MED13L: variants seen among roughly 807,000 people sequenced by gnomAD.
The protein encoded by MED13L is mediator of RNA polymerase II transcription subunit 13-like.
MED13L carries 7 observed loss-of-function variants against 220.9 expected under a neutral mutation model. The ratio of observed to expected loss-of-function variants is 0.03; its 90% confidence interval spans 0.02 to 0.06. MED13L has a LOEUF of 0.06. Among genes scored for constraint, MED13L ranks in the 10% least tolerant of loss-of-function variants. The probability of loss-of-function intolerance (pLI) is 1.00; values close to 1 mark genes in which losing one functional copy is unlikely to be tolerated. For synonymous variants in MED13L, 1,011 were observed against 1,015.2 expected (o/e 1.00, Z 0.08); for missense variants, 1,965 against 2,760.5 (o/e 0.71, Z 6.46).
At chr12:116,043,158 C>G (rs1429506474) in intron 4 of MED13L, among the ~76,000 whole-genome samples, 2 of 152,008 alleles carry the variant, frequency 1.3e-5, no homozygotes, top group Admixed American at 6.6e-5. Context: ...TGGTTCTATC[C>G]CCCTCTCCCA....
At position 116,015,350 on chromosome 12, in the gene MED13L, C is replaced by T. The variant is rs1008149884; in HGVS notation, c.1010-76G>A. 1.6e-5 allele frequency: 23 copies of T among 1,444,566 alleles called. No homozygotes were observed. The African/African-American group carries it at 2.8e-4, about 18-fold the overall frequency. 89.5% of individuals were successfully genotyped at this position (1,444,566 alleles called of 1,614,324 possible). A position where few individuals can be genotyped will look rare whatever the true frequency, so the allele number is the denominator to read the frequency against. ...ACTTCATAGACTGCTATCTTATTAACATAAATATGCATTTTAATTGTTGAA... is the reference window on the plus strand; with the variant it reads ...ACTTCATAGACTGCTATCTTATTAATATAAATATGCATTTTAATTGTTGAA... On this transcript the variant is annotated intron_variant, in intron 7 of 30. Transcript: ENST00000281928.
At chr12:115,961,502 G>A in intron 30 of MED13L, 104 bp from the exon 31 acceptor site, 2 of 1,475,790 alleles carry the variant, frequency 1.4e-6, no homozygotes, top group African/African-American at 1.4e-5. Context: ...GGTCTCAAAG[G>A]CATTCCTTAA....
chr12:116,046,709 C>G (rs1270325937), intron 4 of MED13L, among the ~76,000 whole-genome samples: 1 of 152,156 alleles, frequency 6.6e-6, no homozygotes, highest in African/African-American at 2.4e-5. Flanking sequence ...TGCGGTGGCT[C>G]ACGCCTGTAA....
rs147436430 is a variant in MED13L, at chr12:115,980,088, T to C, written c.5364+662A>G. Among the ~76,000 whole-genome samples, 521 of 152,242 alleles carry C rather than the reference T, an allele frequency of 3.4e-3. 6 individuals carry two copies. The highest frequency in any genetic ancestry group is 0.02 in the Middle Eastern group (6 of 294). On this transcript the variant is annotated intron_variant, in intron 23 of 30. Transcript: ENST00000281928. ...CACAACTACAACTGTTGTCCCAGGA[T>C]ACAGACCAGAGCTGGAAAACGCAAA... is the stretch of plus-strand genomic sequence containing the variant.
At chr12:115,990,920 A>G (rs1878015605) in intron 17 of MED13L, 100 bp downstream of exon 17, 1 of 1,301,506 alleles carries the variant, frequency 7.7e-7, no homozygotes, top group Non-Finnish European at 1.1e-6. Context: ...CCCGAAAGAC[A>G]TGAAATTAAA....
chr12:116,255,180 AAC>A (rs1228709076), intron 1 of MED13L, among the ~76,000 whole-genome samples: 14 of 152,238 alleles, frequency 9.2e-5, no homozygotes, highest in Non-Finnish European at 1.3e-4. Flanking sequence ...GTACTGGCAT[AAC>A]AGACATGTAG....
At chr12:116,079,610 C>T (rs1004954134) in intron 4 of MED13L, among the ~76,000 whole-genome samples, 1 of 152,064 alleles carries the variant, frequency 6.6e-6, no homozygotes, top group African/African-American at 2.4e-5. Flanking sequence ...GTGATCACCG[C>T]TCATTGCAGC....
intron 4 of MED13L, among the ~76,000 whole-genome samples, chr12:116,046,694 C>T (rs1881855614): frequency 1.3e-5 from 2 of 152,150 alleles, no homozygotes; most frequent in African/African-American, 2.4e-5. Context: ...AAAGAAAAGG[C>T]CGGGTGCGGT....
chr12:116,020,302 G>A (rs1269960380), intron 5 of MED13L, among the ~76,000 whole-genome samples: 4 of 151,478 alleles, frequency 2.6e-5, no homozygotes, highest in African/African-American at 4.8e-5. Flanking sequence ...ATTTTTAAAC[G>A]AAATAAAATA....
intron 2 of MED13L, among the ~76,000 whole-genome samples, chr12:116,235,342 A>G (rs117890269): frequency 0.02 from 3,019 of 152,320 alleles, 56 homozygotes; most frequent in Middle Eastern, 0.048. Flanking sequence ...TACAAAATAT[A>G]AACAGTTTAT....
chr12:115,981,002 T>TA (rs1877290438), intron 22 of MED13L, 64 bp from the exon 23 acceptor site: 12 of 1,406,708 alleles, frequency 8.5e-6, no homozygotes, highest in Admixed American at 7.5e-5. Context: ...TCTAACACAC[T>TA]AACAAGCAAG....
At chr12:116,153,997 A>C (rs767589722) in intron 2 of MED13L, among the ~76,000 whole-genome samples, 1 of 152,200 alleles carries the variant, frequency 6.6e-6, no homozygotes, top group African/African-American at 2.4e-5. Context: ...ACAACAACAA[A>C]AATCACAGCT....
rs575129767 is a variant in MED13L, at chr12:116,196,340, G to A, written c.310+41128C>T. On this transcript the variant is annotated intron_variant, in intron 2 of 30. Transcript: ENST00000281928. ...GAGGTCCTCTGGGTGTTTCCACAGA[G>A]CAAAATTGAAAACAGGGCCAATAAG... 7.3e-5 allele frequency among the ~76,000 whole-genome samples: 11 copies of A among 150,814 alleles called. No homozygotes were observed. In the South Asian group the frequency reaches 2.3e-3, roughly 32 times the overall value.
intron 1 of MED13L, among the ~76,000 whole-genome samples, chr12:116,247,609 C>G (rs959330592): frequency 2.4e-4 from 36 of 152,276 alleles, no homozygotes; most frequent in Admixed American, 3.9e-4. Context: ...GGCCTCCCAT[C>G]TGACTGGTTA....
chr12:116,177,042 CT>C (rs1292957459), intron 2 of MED13L, among the ~76,000 whole-genome samples: 1 of 151,976 alleles, frequency 6.6e-6, no homozygotes, highest in African/African-American at 2.4e-5. Context: ...AAATTTTTAT[CT>C]AAGTATCCAA....
At chr12:116,249,826 A>C (rs542386897) in intron 1 of MED13L, among the ~76,000 whole-genome samples, 43 of 150,968 alleles carry the variant, frequency 2.8e-4, no homozygotes, top group African/African-American at 9.7e-4. Flanking sequence ...GTAAAACAAA[A>C]CATAATAAAC....
chr12:116,133,344 C>T (rs905225230), intron 2 of MED13L, among the ~76,000 whole-genome samples: 3 of 152,186 alleles, frequency 2.0e-5, no homozygotes. Flanking sequence ...TTTTCTTCTA[C>T]CTGTAGGACT....
intron 8 of MED13L, among the ~76,000 whole-genome samples, chr12:116,014,592 G>A (rs1879611821): frequency 6.6e-6 from 1 of 152,122 alleles, no homozygotes; most frequent in African/African-American, 2.4e-5. Context: ...TTAGGTCAGG[G>A]AAGAAAAGAA....
rs111383884 is a variant in MED13L at position 116,045,286 on chromosome 12, T to C, written c.480-22685A>G. Among the ~76,000 whole-genome samples the C allele has an allele frequency of 6.7e-3, 1,019 of 152,262 alleles. 11 individuals carry two copies. The highest frequency in any genetic ancestry group is 0.023 in the African/African-American group (957 of 41,554). On this transcript the variant is annotated intron_variant, in intron 4 of 30. Coordinates refer to ENST00000281928, the MANE Select transcript of MED13L (RefSeq NM_015335.5). ...TCTGCTTTTAATCTGGTCATCCCAATCCTGGGCCTACATAGTACTGAGTCC... is the reference window on the plus strand; with the variant it reads ...TCTGCTTTTAATCTGGTCATCCCAACCCTGGGCCTACATAGTACTGAGTCC...
Sources: allele counts gnomAD v4.1 joint callset (sites outside exome capture counted in the v4.1 genomes callset), GRCh38; gene constraint gnomAD v4.1.1; transcripts MANE v1.5; gene names NCBI Gene and HGNC (gene_info 2026-07-23, HGNC 2026-07-21).